The following RPS6KA5 variants were observed in gnomAD, a reference collection of about 807,000 sequenced individuals.
RPS6KA5 encodes the protein ribosomal protein S6 kinase alpha-5.
A neutral mutation model predicts 85.5 loss-of-function variants in RPS6KA5; 27 were observed. The observed-to-expected ratio is 0.32, with a 90% CI of 0.23 to 0.44. RPS6KA5 has a LOEUF of 0.44. Ranked by LOEUF, RPS6KA5 falls within the 20% of genes least tolerant of loss-of-function variation. The pLI, the probability that RPS6KA5 is intolerant of heterozygous loss-of-function variation, is 1.00. For synonymous variants in RPS6KA5, 334 were observed against 348.2 expected (o/e 0.96, Z 0.46); for missense variants, 811 against 980.9 (o/e 0.83, Z 2.31).
intron 6 of RPS6KA5, 24 bp from the exon 7 acceptor site, chr14:90,920,333 T>C (rs1383463084): frequency 7.2e-7 from 1 of 1,396,380 alleles, no homozygotes; most frequent in Non-Finnish European, 1.0e-6. Flanking sequence ...ATAATTTCAT[T>C]TTATAGAATT....
intron 1 of RPS6KA5, among the ~76,000 whole-genome samples, chr14:91,012,799 G>A (rs922748270): frequency 3.3e-5 from 5 of 152,332 alleles, no homozygotes; most frequent in African/African-American, 1.2e-4. Flanking sequence ...AGGCAAAAGA[G>A]TGGTACACCA....
At chr14:90,905,689 T>C (rs2035458854) in intron 8 of RPS6KA5, among the ~76,000 whole-genome samples, 1 of 152,104 alleles carries the variant, frequency 6.6e-6, no homozygotes, top group Non-Finnish European at 1.5e-5. Context: ...ATAGGTAAAT[T>C]TAAAATTTTT....
intron 3 of RPS6KA5, among the ~76,000 whole-genome samples, chr14:90,953,870 C>T (rs1163505568): frequency 6.6e-6 from 1 of 152,224 alleles, no homozygotes; most frequent in Non-Finnish European, 1.5e-5. Context: ...TTTATCAAGA[C>T]AATACATGCA....
intron 5 of RPS6KA5, among the ~76,000 whole-genome samples, chr14:90,928,847 T>C (rs2036821847): frequency 6.6e-6 from 1 of 151,920 alleles, no homozygotes; most frequent in African/African-American, 2.4e-5. Context: ...TCTAAATCCA[T>C]TTCATGGTGC....
intron 1 of RPS6KA5, chr14:91,059,904 G>T: frequency 2.3e-6 from 1 of 428,452 alleles, no homozygotes; most frequent in Non-Finnish European, 3.1e-6. Flanking sequence ...ACCCCCCATC[G>T]CGGGGACCAG....
At chr14:90,967,663 A>G (rs1380220662) in intron 3 of RPS6KA5, among the ~76,000 whole-genome samples, 1 of 152,200 alleles carries the variant, frequency 6.6e-6, no homozygotes. Context: ...TGCAATCCTA[A>G]GTTTTAAAAT....
At chr14:90,904,140 A>C (rs567461438) in intron 8 of RPS6KA5, among the ~76,000 whole-genome samples, 2 of 152,200 alleles carry the variant, frequency 1.3e-5, no homozygotes, top group South Asian at 2.1e-4. Context: ...TAGCAGAGAC[A>C]GGGTTTCACT....
At position 90,875,211 on chromosome 14, in the gene RPS6KA5, A is replaced by G. The variant is rs376381621; in HGVS notation, c.1986T>C (p.Asp662=). 2.2e-5 allele frequency: 36 copies of G among 1,612,148 alleles called. No individual in the cohort carries two copies. Among genetic ancestry groups the G allele is most frequent in the Middle Eastern group, 1.7e-4 (1 of 6,046 alleles). ...AWKNVSQEAK[D]LIQGLLTVDP... ...TCATTAGATTCTTACCTTGGATCAA[A>G]TCTTTAGCCTCTTGGGATACATTCT... Residue 662 remains aspartate, a synonymous_variant, in exon 15 of 17, where the codon GAT becomes GAC. Coordinates refer to ENST00000614987, the MANE Select transcript of RPS6KA5 (RefSeq NM_004755.4).
At position 90,871,283 on chromosome 14, in the gene RPS6KA5, C is replaced by T. The variant is rs1182272906; in HGVS notation, c.*791G>A. On this transcript the variant is annotated 3_prime_UTR_variant, in exon 17 of 17. Coordinates refer to ENST00000614987, the MANE Select transcript of RPS6KA5 (RefSeq NM_004755.4). ...CAGTGCAAATGCTTTAAACAGTGCA[C>T]TTTATAAAATAGTTTGCTTTATTCA... 1 of 152,478 alleles carries T rather than the reference C, an allele frequency of 6.6e-6. No homozygotes were observed. Among genetic ancestry groups the T allele is most frequent in the African/African-American group, 2.4e-5 (1 of 41,424 alleles). 9.4% of individuals were successfully genotyped at this position (152,478 alleles called of 1,614,324 possible).
chr14:91,052,441 G>A, intron 1 of RPS6KA5: 1 of 281,784 alleles, frequency 3.5e-6, no homozygotes, highest in Non-Finnish European at 6.8e-6. Flanking sequence ...ACTCCAGCCT[G>A]GGCAACAGAG....
At chr14:90,998,717 A>G (rs2040641039) in intron 2 of RPS6KA5, among the ~76,000 whole-genome samples, 1 of 152,236 alleles carries the variant, frequency 6.6e-6, no homozygotes, top group African/African-American at 2.4e-5. Context: ...AATGTACAAT[A>G]ACATCTCCAA....
At chr14:90,879,550 T>TA (rs763742106) in intron 14 of RPS6KA5, among the ~76,000 whole-genome samples, 9 of 152,140 alleles carry the variant, frequency 5.9e-5, no homozygotes, top group Non-Finnish European at 8.8e-5. Flanking sequence ...ACGACCCACT[T>TA]AGAGAACTCA....
chr14:90,979,190 C>CCT (rs753873223), intron 2 of RPS6KA5, among the ~76,000 whole-genome samples: 1 of 152,214 alleles, frequency 6.6e-6, no homozygotes, highest in Non-Finnish European at 1.5e-5. Flanking sequence ...GTGTGGTGCC[C>CCT]CTCCTCCAGG....
Position 90,872,265 on chromosome 14 carries a change from A to G in RPS6KA5, c.2218T>C (p.Leu740=). The stretch of plus-strand genomic sequence containing the variant: ...TTTTTCATTTTTCTTCTCTTAGCCA[A>G]AGGGGCCTTATCAACATTCTGAAGG... ...FCLQNVDKAP[L]AKRRKMKKTS... The change falls in exon 17 of 17, where the codon TTG becomes CTG. Residue 740 remains leucine (L), a synonymous_variant. Coordinates refer to ENST00000614987, the MANE Select transcript of RPS6KA5 (RefSeq NM_004755.4). The G allele has an allele frequency of 6.2e-7, 1 of 1,613,828 alleles. No individual in the cohort carries two copies. Among genetic ancestry groups the G allele is most frequent in the Admixed American group, 1.7e-5 (1 of 59,962 alleles).
Position 90,859,777 on chromosome 14 carries a change from A to C in RPS6KA5, c.*12297T>G, listed in dbSNP as rs1438677203. On this transcript the variant is annotated 3_prime_UTR_variant, in exon 17 of 17. Transcript: ENST00000614987. ...TGGTTAAGAATTCTAATAAGGAAGG[A>C]CATCAACCAACAGATTCAGGAAGTT... is the stretch of plus-strand genomic sequence containing the variant. 1 of 152,234 alleles carries C rather than the reference A, an allele frequency of 6.6e-6. No individual in the cohort carries two copies. Among genetic ancestry groups the C allele is most frequent in the Non-Finnish European group, 1.5e-5 (1 of 68,046 alleles). 9.4% of individuals were successfully genotyped at this position (152,234 alleles called of 1,614,324 possible). A position where few individuals can be genotyped will look rare whatever the true frequency, so the allele number is the denominator to read the frequency against.
intron 2 of RPS6KA5, among the ~76,000 whole-genome samples, chr14:90,998,247 G>A (rs1393634216): frequency 6.6e-6 from 1 of 152,092 alleles, no homozygotes; most frequent in Non-Finnish European, 1.5e-5. Context: ...AGGGTTCAGG[G>A]TTTCTTTCTG....
chr14:91,026,794 A>AT (rs1344007234), intron 1 of RPS6KA5, among the ~76,000 whole-genome samples: 3 of 152,048 alleles, frequency 2.0e-5, no homozygotes, highest in Admixed American at 6.6e-5. Flanking sequence ...AGCATCTGTT[A>AT]TTTTTTTACT....
intron 5 of RPS6KA5, among the ~76,000 whole-genome samples, chr14:90,937,146 T>C (rs1401480571): frequency 6.6e-6 from 1 of 152,036 alleles, no homozygotes; most frequent in Non-Finnish European, 1.5e-5. Context: ...GTGGGTGTTG[T>C]GTCACAGAGC....
intron 14 of RPS6KA5, among the ~76,000 whole-genome samples, chr14:90,883,313 C>T (rs113020459): frequency 1.3e-4 from 20 of 152,040 alleles, no homozygotes; most frequent in South Asian, 2.1e-4. Context: ...AGGCTCTGTT[C>T]GCTTTTTTTC....
Sources: gnomAD v4.1 joint callset for allele counts (sites outside exome capture counted in the v4.1 genomes callset) on GRCh38, gnomAD v4.1.1 for gene constraint, MANE v1.5 for transcripts, NCBI Gene and HGNC (gene_info 2026-07-23, HGNC 2026-07-21) for gene names.